Variants in TBL1X observed in about 807,000 individuals in gnomAD.
The protein encoded by TBL1X is transducin beta like 1 X-linked.
A neutral mutation model predicts 50.7 loss-of-function variants in TBL1X; 10 were observed. The observed-to-expected ratio is 0.20, with a 90% CI of 0.12 to 0.33. The LOEUF is 0.33. Among genes scored for constraint, TBL1X ranks in the 10% least tolerant of loss-of-function variants. The pLI is 1.00. For missense variants in TBL1X, 340 were observed against 504.4 expected, an observed-to-expected ratio of 0.67 and a Z score of 3.12; for synonymous variants, 190 against 214.7, an observed-to-expected ratio of 0.88 and a Z score of 1.01.
intron 12 of TBL1X, among the ~76,000 whole-genome samples, chrX:9,699,932 G>GCATA (rs2083158936): frequency 1.8e-5 from 2 of 111,817 alleles, no homozygotes; most frequent in Admixed American, 1.9e-4. Context: ...AAGGTGCTGA[G>GCATA]CATACGAGAG....
At chrX:9,546,382 C>T (rs905687401) in intron 2 of TBL1X, among the ~76,000 whole-genome samples, 6 of 111,528 alleles carry the variant, frequency 5.4e-5, no homozygotes, top group Admixed American at 9.5e-5. Context: ...GGCGTGGTGG[C>T]GGGCGCCTGT....
intron 2 of TBL1X, among the ~76,000 whole-genome samples, chrX:9,530,745 A>G (rs1185391484): frequency 8.9e-6 from 1 of 112,471 alleles, no homozygotes; most frequent in Non-Finnish European, 1.9e-5. Flanking sequence ...AGTCAACCCA[A>G]GAAATCTTAA....
intron 5 of TBL1X, among the ~76,000 whole-genome samples, chrX:9,680,552 T>C (rs769625984): frequency 9.0e-6 from 1 of 111,484 alleles, no homozygotes; most frequent in East Asian, 2.8e-4. Flanking sequence ...CCATCCTGCC[T>C]GCTGCTGACA....
intron 3 of TBL1X, among the ~76,000 whole-genome samples, chrX:9,651,131 G>A (rs759770718): frequency 5.0e-5 from 5 of 99,467 alleles, no homozygotes; most frequent in African/African-American, 1.9e-4. Flanking sequence ...AGGCTCAGAT[G>A]ATTCTCCCAC....
intron 1 of TBL1X, among the ~76,000 whole-genome samples, chrX:9,501,078 C>T (rs1331681302): frequency 9.0e-6 from 1 of 111,629 alleles, no homozygotes; most frequent in Non-Finnish European, 1.9e-5. Flanking sequence ...TCATTTTCTT[C>T]TCACCACGTA....
chrX:9,687,672 T>C (rs2146633078), intron 6 of TBL1X, among the ~76,000 whole-genome samples: 1 of 102,673 alleles, frequency 9.7e-6, no homozygotes, highest in East Asian at 3.1e-4. Flanking sequence ...GGAGTCACAG[T>C]CACCCCCCGC....
At chrX:9,579,776 T>C (rs1047050733) in intron 2 of TBL1X, among the ~76,000 whole-genome samples, 1 of 110,946 alleles carries the variant, frequency 9.0e-6, no homozygotes, top group African/African-American at 3.3e-5. Context: ...ACACTACCTT[T>C]TCATTTTAGC....
At chrX:9,680,457 C>G (rs2083018964) in intron 5 of TBL1X, among the ~76,000 whole-genome samples, 1 of 111,179 alleles carries the variant, frequency 9.0e-6, no homozygotes, top group Admixed American at 9.6e-5. Flanking sequence ...CTTTTTATCC[C>G]TATATCACAG....
At chrX:9,489,991 C>T (rs888929856) in intron 1 of TBL1X, among the ~76,000 whole-genome samples, 2 of 111,333 alleles carry the variant, frequency 1.8e-5, no homozygotes, top group African/African-American at 6.5e-5. Flanking sequence ...ATTTTTGAGA[C>T]AGGATCTCAC....
intron 2 of TBL1X, among the ~76,000 whole-genome samples, chrX:9,585,003 C>T (rs1369970464): frequency 2.7e-5 from 3 of 111,388 alleles, no homozygotes. Flanking sequence ...AATGTTACTT[C>T]AATTTTTAAA....
In TBL1X at chrX:9,718,982, A is replaced by G. The variant is rs1034094128; in HGVS notation, c.*2736A>G. 6.3e-5 allele frequency: 7 copies of G among 111,318 alleles called. No individual in the cohort carries two copies. Among genetic ancestry groups the G allele is most frequent in the African/African-American group, 2.0e-4 (6 of 30,501 alleles). The allele number at this position is 111,318 out of a possible 1,213,427, so 9.2% of individuals were successfully genotyped here. Reference sequence around the variant, plus strand: ...GAGCCTCCAGCATTTGCACACCACTACTCACCCTCTCTGCTGCTGGCATGT... The same window carrying G: ...GAGCCTCCAGCATTTGCACACCACTGCTCACCCTCTCTGCTGCTGGCATGT... On this transcript the variant is annotated 3_prime_UTR_variant, in exon 18 of 18. Coordinates refer to ENST00000645353, the MANE Select transcript of TBL1X (RefSeq NM_005647.4).
intron 2 of TBL1X, among the ~76,000 whole-genome samples, chrX:9,537,047 G>A (rs1240865709): frequency 9.0e-6 from 1 of 111,722 alleles, no homozygotes; most frequent in African/African-American, 3.3e-5. Context: ...TCCTTTCAGA[G>A]TTACCAAAGA....
chrX:9,465,836 C>T (rs963841490), intron 1 of TBL1X, among the ~76,000 whole-genome samples: 1 of 113,077 alleles, frequency 8.8e-6, no homozygotes, highest in Non-Finnish European at 1.9e-5. Flanking sequence ...CCTGCGCCAC[C>T]GCGGGCTCCG....
chrX:9,619,509 AC>A (rs1174661785), intron 2 of TBL1X, among the ~76,000 whole-genome samples: 1 of 110,960 alleles, frequency 9.0e-6, no homozygotes, highest in African/African-American at 3.3e-5. Flanking sequence ...TCCCCTCTCT[AC>A]CTTCCCGGTC....
intron 3 of TBL1X, among the ~76,000 whole-genome samples, chrX:9,641,290 G>A (rs1178232871): frequency 8.9e-6 from 1 of 111,891 alleles, no homozygotes; most frequent in East Asian, 2.8e-4. Flanking sequence ...GAGTTGAGAA[G>A]CCCGTAGCCC....
intron 2 of TBL1X, among the ~76,000 whole-genome samples, chrX:9,545,302 G>A (rs746350991): frequency 1.8e-5 from 2 of 111,096 alleles, no homozygotes; most frequent in South Asian, 3.7e-4. Flanking sequence ...AGCACTTTGC[G>A]GGGCTGAGGC....
intron 2 of TBL1X, among the ~76,000 whole-genome samples, chrX:9,574,538 G>A (rs1374143259): frequency 9.5e-6 from 1 of 105,641 alleles, no homozygotes; most frequent in African/African-American, 3.5e-5. Context: ...TTACCTTCCC[G>A]AACCTTTGCT....
intron 7 of TBL1X, among the ~76,000 whole-genome samples, 179 bp from the exon 8 acceptor site, chrX:9,691,400 C>A (rs2083095961): frequency 1.0e-5 from 1 of 99,504 alleles, no homozygotes; most frequent in Non-Finnish European, 2.0e-5. Context: ...CGTGCCACTG[C>A]ACTCCAGCCT....
chrX:9,566,837 AG>A (rs1490911516), intron 2 of TBL1X, among the ~76,000 whole-genome samples: 4 of 112,027 alleles, frequency 3.6e-5, no homozygotes, highest in African/African-American at 1.3e-4. Context: ...GAATTGACAC[AG>A]GAAGTCAACA....
Sources: allele counts gnomAD v4.1 joint callset (sites outside exome capture counted in the v4.1 genomes callset), GRCh38; gene constraint gnomAD v4.1.1; transcripts MANE v1.5; gene names NCBI Gene and HGNC (gene_info 2026-07-23, HGNC 2026-07-21).